Variants in MED12L observed in about 807,000 individuals in gnomAD.
MED12L encodes the protein mediator complex subunit 12L.
Under a neutral mutation model 281.3 loss-of-function variants are expected in MED12L, and 60 were observed. The observed-to-expected ratio is 0.21, with a 90% confidence interval of 0.17 to 0.26. MED12L has a LOEUF of 0.26. Among genes scored for constraint, MED12L ranks in the 10% least tolerant of loss-of-function variants. The pLI, the probability that MED12L is intolerant of heterozygous loss-of-function variation, is 1.00. For missense variants in MED12L, 2,146 were observed against 2,680.9 expected (o/e 0.80, Z 4.41); for synonymous variants, 974 against 987.2 (o/e 0.99, Z 0.25).
chr3:151,259,721 CTG>C (rs1358189866), intron 16 of MED12L, among the ~76,000 whole-genome samples: 3 of 152,220 alleles, frequency 2.0e-5, no homozygotes, highest in African/African-American at 4.8e-5. Context: ...TATAAATACT[CTG>C]TGTTAATCTT....
chr3:151,215,447 A>C (rs1031297634), intron 16 of MED12L, among the ~76,000 whole-genome samples: 2 of 152,186 alleles, frequency 1.3e-5, no homozygotes, highest in Admixed American at 6.5e-5. Context: ...AAAATATATT[A>C]TTACTCTTAA....
At chr3:151,203,812 C>G (rs535285554) in intron 16 of MED12L, among the ~76,000 whole-genome samples, 3 of 152,038 alleles carry the variant, frequency 2.0e-5, no homozygotes, top group African/African-American at 7.2e-5. Flanking sequence ...TGTATTTCCA[C>G]TTAGATGTTA....
Position 151,376,886 on chromosome 3 carries a change from T to C in MED12L, c.4128+12T>C, listed in dbSNP as rs372449944. On this transcript the variant is annotated intron_variant, in intron 29 of 44. Transcript: ENST00000687756. Reference sequence around the variant, plus strand: ...GCTTGAAGGACCCTGTGAGTTTATATTGAAAGCTTATCTCTGTATGAAATT... The same window carrying C: ...GCTTGAAGGACCCTGTGAGTTTATACTGAAAGCTTATCTCTGTATGAAATT... 231 of 1,613,678 alleles carry C rather than the reference T, an allele frequency of 1.4e-4. No homozygotes were observed. The highest frequency in any genetic ancestry group is 2.5e-4 in the Admixed American group (15 of 59,992).
At chr3:151,163,849 T>TAAAAAA in intron 8 of MED12L, 44 bp from the exon 9 acceptor site, 9 of 1,587,540 alleles carry the variant, frequency 5.7e-6, no homozygotes, top group Admixed American at 5.1e-5. Flanking sequence ...TGTTATGCTT[T>TAAAAAA]TCTCCTTCCT....
chr3:151,216,106 A>C (rs1320397021), intron 16 of MED12L, among the ~76,000 whole-genome samples: 1 of 152,202 alleles, frequency 6.6e-6, no homozygotes, highest in Non-Finnish European at 1.5e-5. Flanking sequence ...CTCTTCCACT[A>C]CTACAAGCTC....
chr3:151,193,160 T>G (rs1724203241), intron 15 of MED12L, among the ~76,000 whole-genome samples: 1 of 152,222 alleles, frequency 6.6e-6, no homozygotes, highest in Non-Finnish European at 1.5e-5. Context: ...TTATTATGTA[T>G]ATGTTTCTGT....
At chr3:151,277,495 T>C (rs1742090163) in intron 16 of MED12L, among the ~76,000 whole-genome samples, 1 of 152,206 alleles carries the variant, frequency 6.6e-6, no homozygotes, top group Non-Finnish European at 1.5e-5. Flanking sequence ...ATTTTTTTAC[T>C]AGTGTGATCT....
chr3:151,217,930 G>A (rs1559891374), intron 16 of MED12L, among the ~76,000 whole-genome samples: 1 of 152,160 alleles, frequency 6.6e-6, no homozygotes, highest in Non-Finnish European at 1.5e-5. Context: ...CTTAAGGCAA[G>A]TAAGACCAAA....
At chr3:151,244,941 C>T (rs1381702327) in intron 16 of MED12L, among the ~76,000 whole-genome samples, 3 of 152,148 alleles carry the variant, frequency 2.0e-5, no homozygotes, top group Non-Finnish European at 4.4e-5. Context: ...GGGGATATCA[C>T]CACTGATCCC....
chr3:151,159,386 G>GTCTC (rs1341469374), intron 7 of MED12L, among the ~76,000 whole-genome samples: 9 of 152,270 alleles, frequency 5.9e-5, no homozygotes, highest in African/African-American at 2.2e-4. Context: ...AGGTTCCTGT[G>GTCTC]TCTCTCCCCT....
chr3:151,370,077 A>G (rs1755991928), intron 26 of MED12L, among the ~76,000 whole-genome samples: 1 of 152,216 alleles, frequency 6.6e-6, no homozygotes, highest in Non-Finnish European at 1.5e-5. Context: ...TGATAAATCA[A>G]TATTAAGTTT....
intron 16 of MED12L, among the ~76,000 whole-genome samples, chr3:151,339,269 C>T (rs544421972): frequency 1.3e-5 from 2 of 151,982 alleles, no homozygotes; most frequent in South Asian, 2.1e-4. Context: ...ACTTTTCCCC[C>T]CAACGTCCTT....
chr3:151,377,079 A>G lies in MED12L; in HGVS notation c.4217A>G (p.Asn1406Ser). Reference protein sequence around the residue: ...IEVFQQSADLNNSSNSGMSLF... With the variant: ...IEVFQQSADLSNSSNSGMSLF... The stretch of plus-strand genomic sequence containing the variant: ...GTATTCCAGCAGTCTGCAGACCTAA[A>G]TAATTCTTCTAATTCTGGCATGAGC... Residue 1406 changes from asparagine (N) to serine (S), a missense_variant, in exon 30 of 45, where the codon AAT (asparagine) becomes AGT (serine). Coordinates refer to ENST00000687756, the MANE Select transcript of MED12L (RefSeq NM_001393769.1). The G allele has an allele frequency of 6.2e-7, 1 of 1,614,126 alleles. No individual in the cohort carries two copies. Among genetic ancestry groups the G allele is most frequent in the African/African-American group, 1.3e-5 (1 of 75,062 alleles).
chr3:151,163,550 G>A (rs934278047), intron 8 of MED12L, among the ~76,000 whole-genome samples: 1 of 150,932 alleles, frequency 6.6e-6, no homozygotes, highest in Non-Finnish European at 1.5e-5. Context: ...CATATTATAA[G>A]TTCATCTCAT....
rs754093067 is a variant in MED12L, at chr3:151,378,155, A to G, written c.4460A>G (p.Asp1487Gly). The G allele has an allele frequency of 6.2e-7, 1 of 1,608,162 alleles. No individual in the cohort carries two copies. The highest frequency in any genetic ancestry group is 8.5e-7 in the Non-Finnish European group (1 of 1,176,806). The change falls in exon 31 of 45, where the codon GAC becomes GGC. Residue 1487 changes from aspartate to glycine, a missense_variant. Asp to Gly is a moderately conservative substitution (Grantham distance 94). Transcript: ENST00000687756. ...GGTTCTTCTTCCAAAAAGGAAAGGG[A>G]CAGACAGAAACAGAAAAGGTGTGGC... ...HLGSSSKKER[D>G]RQKQKSMSLL...
At chr3:151,321,523 C>G (rs1748998774) in intron 16 of MED12L, among the ~76,000 whole-genome samples, 1 of 151,840 alleles carries the variant, frequency 6.6e-6, no homozygotes, top group Non-Finnish European at 1.5e-5. Context: ...TTTTAAAAAA[C>G]CCAAAGCTAT....
intron 6 of MED12L, among the ~76,000 whole-genome samples, chr3:151,157,401 A>G (rs1005264485): frequency 5.3e-5 from 8 of 152,156 alleles, no homozygotes; most frequent in Admixed American, 4.6e-4. Context: ...AAACAAGGGC[A>G]TGGGTATATA....
In MED12L at chr3:151,376,890, A is replaced by C; in HGVS notation, c.4128+16A>C. The C allele has an allele frequency of 6.2e-7, 1 of 1,613,584 alleles. No individual in the cohort carries two copies. Among genetic ancestry groups the C allele is most frequent in the Non-Finnish European group, 8.5e-7 (1 of 1,179,578 alleles). On this transcript the variant is annotated intron_variant, in intron 29 of 44. Coordinates refer to ENST00000687756, the MANE Select transcript of MED12L (RefSeq NM_001393769.1). ...GAAGGACCCTGTGAGTTTATATTGAAAGCTTATCTCTGTATGAAATTTTAT... is the reference window on the plus strand; with the variant it reads ...GAAGGACCCTGTGAGTTTATATTGACAGCTTATCTCTGTATGAAATTTTAT...
intron 16 of MED12L, among the ~76,000 whole-genome samples, chr3:151,273,293 C>T (rs1308899555): frequency 5.8e-5 from 8 of 138,474 alleles, no homozygotes; most frequent in Non-Finnish European, 1.1e-4. Flanking sequence ...TGCAGTGGTG[C>T]GATCTCAGCT....
Sources: gnomAD v4.1 joint callset for allele counts (sites outside exome capture counted in the v4.1 genomes callset) on GRCh38, gnomAD v4.1.1 for gene constraint, MANE v1.5 for transcripts, NCBI Gene and HGNC (gene_info 2026-07-23, HGNC 2026-07-21) for gene names.